Variants in PRDM16 observed in about 807,000 individuals in gnomAD.
PRDM16 encodes the protein histone-lysine N-methyltransferase PRDM16.
A neutral mutation model predicts 110.6 loss-of-function variants in PRDM16; 23 were observed. The ratio of observed to expected loss-of-function variants is 0.21; its 90% CI spans 0.15 to 0.29. PRDM16 has a LOEUF of 0.29. Ranked by LOEUF, PRDM16 falls within the 10% of genes least tolerant of loss-of-function variation. The pLI is 1.00. For synonymous variants in PRDM16, 799 were observed against 781.8 expected (o/e 1.02, Z -0.37); for missense variants, 1,615 against 1,794.3 (o/e 0.90, Z 1.81).
At chr1:3,363,215 C>A (rs1038145216) in intron 3 of PRDM16, among the ~76,000 whole-genome samples, 10 of 152,180 alleles carry the variant, frequency 6.6e-5, no homozygotes, top group Non-Finnish European at 1.3e-4. Context: ...TCGGGGCCCG[C>A]GACAGTGTGA....
intron 2 of PRDM16, among the ~76,000 whole-genome samples, chr1:3,210,404 G>T (rs1310067369): frequency 6.6e-6 from 1 of 152,280 alleles, no homozygotes; most frequent in Non-Finnish European, 1.5e-5. Flanking sequence ...GAGCCGCACA[G>T]GCTCAGAAGC....
intron 3 of PRDM16, among the ~76,000 whole-genome samples, chr1:3,362,128 G>A (rs1029807949): frequency 2.0e-5 from 3 of 152,206 alleles, no homozygotes; most frequent in Admixed American, 6.5e-5. Flanking sequence ...GTCCCATCCC[G>A]AGGCAGACAT....
At chr1:3,118,037 T>C (rs1294560628) in intron 1 of PRDM16, among the ~76,000 whole-genome samples, 1 of 151,890 alleles carries the variant, frequency 6.6e-6, no homozygotes, top group Admixed American at 6.5e-5. Flanking sequence ...TGCATGTGTG[T>C]GTGCATGCTC....
At chr1:3,310,258 C>T (rs1029512048) in intron 3 of PRDM16, among the ~76,000 whole-genome samples, 2 of 152,222 alleles carry the variant, frequency 1.3e-5, no homozygotes, top group African/African-American at 4.8e-5. Context: ...GCCCGGCACA[C>T]TCTGGGGCCC....
In PRDM16 at chr1:3,110,963, G is replaced by A. The variant is rs139220465; in HGVS notation, c.37+41667G>A. On this transcript the variant is annotated intron_variant, in intron 1 of 16. Transcript: ENST00000270722. ...AGGAGGCCAGAGATTGCCCGGTTCT[G>A]GGCAAGACGGCAGGGGAGCCATTGC... Among the ~76,000 whole-genome samples the A allele has an allele frequency of 3.2e-3, 489 of 152,324 alleles. 2 individuals carry two copies. The highest frequency in any genetic ancestry group is 6.0e-3 in the Non-Finnish European group (407 of 68,010).
intron 3 of PRDM16, among the ~76,000 whole-genome samples, chr1:3,310,385 T>G (rs12567387): frequency 6.6e-6 from 1 of 151,986 alleles, no homozygotes; most frequent in East Asian, 1.9e-4. Flanking sequence ...GCGCCCTCCC[T>G]CTGCTGAGCC....
intron 3 of PRDM16, among the ~76,000 whole-genome samples, chr1:3,271,550 G>A (rs1186535294): frequency 6.6e-6 from 1 of 152,224 alleles, no homozygotes; most frequent in African/African-American, 2.4e-5. Flanking sequence ...TGCCCTTGGG[G>A]GTGAACCCAT....
At chr1:3,404,659 A>C in intron 6 of PRDM16, 80 bp from the exon 7 acceptor site, 1 of 1,566,140 alleles carries the variant, frequency 6.4e-7, no homozygotes, top group Non-Finnish European at 8.7e-7. Context: ...GGGCACTGGG[A>C]ACAAGCTGTA....
At chr1:3,139,274 C>T (rs1176949676) in intron 1 of PRDM16, among the ~76,000 whole-genome samples, 1 of 152,224 alleles carries the variant, frequency 6.6e-6, no homozygotes, top group African/African-American at 2.4e-5. Context: ...AGAGATTCTT[C>T]TGCACCTGCC....
rs1210235283 is a variant in PRDM16 at position 3,255,907 on chromosome 1, C to T, written c.438+11770C>T. On this transcript the variant is annotated intron_variant, in intron 3 of 16. Transcript: ENST00000270722. This position sits in a 1 kb window ranked among gnomAD's most constrained non-coding sequence, Gnocchi z 4.7. The stretch of plus-strand genomic sequence containing the variant: ...TGACACCCGAAGCCAACCCCGTGGC[C>T]GCACCGACACCTGAAGCCAATCCCG... Among the ~76,000 whole-genome samples the T allele has an allele frequency of 3.3e-5, 5 of 151,944 alleles. No homozygotes were observed. Among genetic ancestry groups the T allele is most frequent in the South Asian group, 2.1e-4 (1 of 4,792 alleles).
Position 3,350,621 on chromosome 1 carries a change from C to T in PRDM16, c.439-34531C>T, listed in dbSNP as rs1307843533. 1.3e-5 allele frequency among the ~76,000 whole-genome samples: 2 copies of T among 152,070 alleles called. No homozygotes were observed. The highest frequency in any genetic ancestry group is 4.8e-5 in the African/African-American group (2 of 41,416). The stretch of plus-strand genomic sequence containing the variant: ...AGCAGAGCTGGGAGCCAGCCCTGCC[C>T]GGCCAGGGCTCGGGCACAGCTTGGC... On this transcript the variant is annotated intron_variant, in intron 3 of 16. Transcript: ENST00000270722. This position sits in a 1 kb window ranked among gnomAD's most constrained non-coding sequence, Gnocchi z 7.1.
At chr1:3,417,063 A>G (rs1019485529) in intron 10 of PRDM16, among the ~76,000 whole-genome samples, 3 of 152,228 alleles carry the variant, frequency 2.0e-5, no homozygotes, top group Non-Finnish European at 2.9e-5. Context: ...GGGCCAGGAC[A>G]GTCTGGGATT....
intron 8 of PRDM16, 93 bp from the exon 9 acceptor site, chr1:3,411,291 C>A: frequency 7.3e-7 from 1 of 1,372,530 alleles, no homozygotes; most frequent in Non-Finnish European, 1.0e-6. Context: ...GCCCCTCCAG[C>A]GGCTGGCTTT....
chr1:3,074,323 G>C (rs1641840746), intron 1 of PRDM16, among the ~76,000 whole-genome samples: 1 of 152,150 alleles, frequency 6.6e-6, no homozygotes, highest in Non-Finnish European at 1.5e-5. Flanking sequence ...GTGAAATTCA[G>C]TGGAATGAAG....
At chr1:3,263,227 C>G (rs188720571) in intron 3 of PRDM16, among the ~76,000 whole-genome samples, 17 of 152,304 alleles carry the variant, frequency 1.1e-4, no homozygotes, top group Non-Finnish European at 1.9e-4. Context: ...CCTGAGAACA[C>G]GGTGAGCTGA....
At chr1:3,254,998 C>T (rs1314189952) in intron 3 of PRDM16, among the ~76,000 whole-genome samples, 4 of 152,092 alleles carry the variant, frequency 2.6e-5, no homozygotes, top group East Asian at 1.9e-4. Flanking sequence ...TCAGAAATAA[C>T]GCCGCATGTC....
rs1639738168 is a variant in PRDM16 at position 3,244,274 on chromosome 1, A to G, written c.438+137A>G. On this transcript the variant is annotated intron_variant, in intron 3 of 16. Coordinates refer to ENST00000270722, the MANE Select transcript of PRDM16 (RefSeq NM_022114.4). The surrounding 1 kb of genome is among the most constrained non-coding windows in gnomAD (Gnocchi z 4.1). Reference sequence around the variant, plus strand: ...GCTGGCAGGCCCCGAGCAATGTGTTATCTGTGGACTGACGTGTGCACAGGA... The same window carrying G: ...GCTGGCAGGCCCCGAGCAATGTGTTGTCTGTGGACTGACGTGTGCACAGGA... 1 of 787,048 alleles carries G rather than the reference A, an allele frequency of 1.3e-6. No individual in the cohort carries two copies. Among genetic ancestry groups the G allele is most frequent in the South Asian group, 1.5e-5 (1 of 66,394 alleles). The allele number at this position is 787,048 out of a possible 1,614,324, so 48.8% of individuals were successfully genotyped here. A position where few individuals can be genotyped will look rare whatever the true frequency, so the allele number is the denominator to read the frequency against.
chr1:3,266,706 GC>G (rs1029214965), intron 3 of PRDM16, among the ~76,000 whole-genome samples: 5 of 152,146 alleles, frequency 3.3e-5, no homozygotes, highest in African/African-American at 7.2e-5. Flanking sequence ...ACGGAGTCTT[GC>G]TCTTGTTGCC....
intron 1 of PRDM16, among the ~76,000 whole-genome samples, chr1:3,149,463 GCCTGC>G (rs1196362574): frequency 3.3e-5 from 5 of 152,142 alleles, no homozygotes; most frequent in African/African-American, 1.2e-4. Context: ...GTGCCTGCAG[GCCTGC>G]CCTGCCCTGC....
Sources: allele counts gnomAD v4.1 joint callset (sites outside exome capture counted in the v4.1 genomes callset), GRCh38; gene constraint gnomAD v4.1.1; non-coding constraint Gnocchi (gnomAD v3.1); transcripts MANE v1.5; gene names NCBI Gene and HGNC (gene_info 2026-07-23, HGNC 2026-07-21).